The following NCALD variants were observed in gnomAD, a reference collection of about 807,000 sequenced individuals.
NCALD encodes the protein neurocalcin delta, also known as neurocalcin-delta.
Under a neutral mutation model 18.6 loss-of-function variants are expected in NCALD, and 10 were observed. That is an observed-to-expected ratio of 0.54 (90% CI 0.33 to 0.91). NCALD has a LOEUF of 0.91. Ranked by LOEUF, NCALD falls within the 40% of genes least tolerant of loss-of-function variation. The pLI is 0.03. For missense variants in NCALD, 184 were observed against 247.6 expected (o/e 0.74, Z 1.72); for synonymous variants, 88 against 87.4 (o/e 1.01, Z -0.04).
At chr8:101,805,652 C>A (rs930834272) in intron 4 of NCALD, among the ~76,000 whole-genome samples, 1 of 152,106 alleles carries the variant, frequency 6.6e-6, no homozygotes, top group African/African-American at 2.4e-5. Flanking sequence ...AGCTCTCCCC[C>A]AAAGGAGCTG....
intron 2 of NCALD, among the ~76,000 whole-genome samples, chr8:102,011,615 AGTTT>A (rs1419362240): frequency 1.1e-4 from 16 of 152,326 alleles, no homozygotes; most frequent in South Asian, 4.1e-4. Flanking sequence ...TTTCCTACCT[AGTTT>A]ATGTGTAAAT....
intron 3 of NCALD, among the ~76,000 whole-genome samples, chr8:101,906,662 T>C (rs1450628248): frequency 6.6e-6 from 1 of 152,204 alleles, no homozygotes; most frequent in Non-Finnish European, 1.5e-5. Context: ...GGGAAAAACA[T>C]CAGAATTTCA....
At chr8:102,095,279 C>G (rs972673254) in intron 1 of NCALD, among the ~76,000 whole-genome samples, 3 of 152,052 alleles carry the variant, frequency 2.0e-5, no homozygotes, top group Admixed American at 2.0e-4. Context: ...GGAGGCAGGA[C>G]CACATGTGGT....
intron 4 of NCALD, chr8:101,872,215 C>T (rs900841845): frequency 1.3e-6 from 2 of 1,514,310 alleles, no homozygotes; most frequent in Non-Finnish European, 1.8e-6. Context: ...GACCCACAAG[C>T]CCTCACTGGC....
At chr8:101,863,810 T>A (rs1586653256) in intron 4 of NCALD, among the ~76,000 whole-genome samples, 1 of 152,068 alleles carries the variant, frequency 6.6e-6, no homozygotes, top group African/African-American at 2.4e-5. Context: ...AAGATCTGGA[T>A]GAAATGCAGG....
At chr8:102,077,697 TG>T (rs1293661454) in intron 1 of NCALD, among the ~76,000 whole-genome samples, 1 of 152,104 alleles carries the variant, frequency 6.6e-6, no homozygotes, top group East Asian at 1.9e-4. Flanking sequence ...GACTACTGAT[TG>T]GGCCAAGGAC....
At chr8:101,892,095 G>T (rs1172458422) in intron 3 of NCALD, among the ~76,000 whole-genome samples, 2 of 151,716 alleles carry the variant, frequency 1.3e-5, no homozygotes, top group Non-Finnish European at 2.9e-5. Context: ...AGTAACCTCT[G>T]CAGACTTAAA....
chr8:102,088,860 G>A (rs1384788310), intron 1 of NCALD, among the ~76,000 whole-genome samples: 3 of 152,140 alleles, frequency 2.0e-5, no homozygotes, highest in Non-Finnish European at 4.4e-5. Context: ...TTTGACTTTG[G>A]GGAGCATCAG....
chr8:101,905,828 C>T lies in NCALD; in HGVS notation c.-107+9981G>A, dbSNP rs915268572. Among the ~76,000 whole-genome samples, 6 of 152,160 alleles carry T rather than the reference C, an allele frequency of 3.9e-5. No individual in the cohort carries two copies. In the East Asian group the frequency reaches 1.2e-3, roughly 29 times the overall value. ...TTCAAGGAGCATCAGAATATGATTC[C>T]AGGCCTCCCTATCTCTATTTGCTGA... is the stretch of plus-strand genomic sequence containing the variant. On this transcript the variant is annotated intron_variant, in intron 3 of 6. Coordinates refer to the NCALD transcript ENST00000311028.
chr8:102,074,741 GT>G (rs147732502), intron 1 of NCALD, among the ~76,000 whole-genome samples: 9,247 of 152,180 alleles, frequency 0.061, 408 homozygotes, highest in Non-Finnish European at 0.092. Flanking sequence ...GTGTATACAG[GT>G]TTACATCTAC....
intron 1 of NCALD, among the ~76,000 whole-genome samples, chr8:102,043,457 A>G (rs2132186521): frequency 6.6e-6 from 1 of 151,894 alleles, no homozygotes; most frequent in Middle Eastern, 3.4e-3. Context: ...ATAGACTGAC[A>G]TTAATAGGTT....
At chr8:102,027,030 G>C (rs1439441581) in intron 1 of NCALD, among the ~76,000 whole-genome samples, 2 of 152,190 alleles carry the variant, frequency 1.3e-5, no homozygotes, top group Non-Finnish European at 2.9e-5. Flanking sequence ...AGGGCACTAT[G>C]TCCCAAGGCT....
At chr8:101,904,292 C>T (rs543298634) in intron 3 of NCALD, among the ~76,000 whole-genome samples, 1 of 152,180 alleles carries the variant, frequency 6.6e-6, no homozygotes, top group Non-Finnish European at 1.5e-5. Context: ...GCCTGAGTTC[C>T]CCCGCCCCCG....
chr8:101,727,206 A>G (rs764659928), intron 1 of NCALD, among the ~76,000 whole-genome samples: 18 of 152,228 alleles, frequency 1.2e-4, no homozygotes, highest in South Asian at 1.0e-3. Flanking sequence ...TCTCTAAAGC[A>G]CTGAGGCTCA....
chr8:101,984,125 T>C (rs961595642), intron 2 of NCALD, among the ~76,000 whole-genome samples: 1 of 152,226 alleles, frequency 6.6e-6, no homozygotes, highest in African/African-American at 2.4e-5. Flanking sequence ...AGGAACAGGA[T>C]GTTTATAAAA....
chr8:101,735,220 G>A (rs1817022117), intron 1 of NCALD, among the ~76,000 whole-genome samples: 1 of 152,202 alleles, frequency 6.6e-6, no homozygotes, highest in Non-Finnish European at 1.5e-5. Flanking sequence ...TACCAGCACA[G>A]GGAGCCGATC....
intron 3 of NCALD, among the ~76,000 whole-genome samples, chr8:101,893,916 T>G (rs200909967): frequency 0.01 from 1,462 of 142,984 alleles, 39 homozygotes; most frequent in African/African-American, 0.039. Flanking sequence ...TTAATAATGG[T>G]AGACTTTAAC....
At chr8:102,011,686 T>C (rs1821908954) in intron 2 of NCALD, among the ~76,000 whole-genome samples, 1 of 152,208 alleles carries the variant, frequency 6.6e-6, no homozygotes, top group Non-Finnish European at 1.5e-5. Context: ...TGAATTGAAT[T>C]ATATTCAAAT....
intron 2 of NCALD, among the ~76,000 whole-genome samples, chr8:101,970,280 T>C (rs1446775663): frequency 6.6e-6 from 1 of 152,242 alleles, no homozygotes; most frequent in Non-Finnish European, 1.5e-5. Context: ...TGTATTTACA[T>C]TGCTTCTGCT....
Sources: allele counts gnomAD v4.1 joint callset (sites outside exome capture counted in the v4.1 genomes callset), GRCh38; gene constraint gnomAD v4.1.1; transcripts MANE v1.5; gene names NCBI Gene and HGNC (gene_info 2026-07-23, HGNC 2026-07-21).